GPC5: variants seen among roughly 807,000 people sequenced by gnomAD.
GPC5 encodes the protein glypican-5.
A neutral mutation model predicts 53.9 loss-of-function variants in GPC5; 47 were observed. That is an observed-to-expected ratio of 0.87 (90% CI 0.69 to 1.11). GPC5 has a LOEUF of 1.11. Among genes scored for constraint, GPC5 ranks in the 50% most tolerant of loss-of-function variants. The pLI, the probability that GPC5 is intolerant of heterozygous loss-of-function variation, is 0.00. For synonymous variants in GPC5, 286 were observed against 263.3 expected, an observed-to-expected ratio of 1.09 and a Z score of -0.84; for missense variants, 748 against 713.1, an observed-to-expected ratio of 1.05 and a Z score of -0.56.
intron 5 of GPC5, among the ~76,000 whole-genome samples, chr13:91,856,368 T>C (rs2038967160): frequency 6.6e-6 from 1 of 151,520 alleles, no homozygotes; most frequent in Non-Finnish European, 1.5e-5. Context: ...GATGAAATAT[T>C]TTTATGTTTA....
chr13:91,833,164 G>A (rs886064841), intron 5 of GPC5, among the ~76,000 whole-genome samples: 5 of 152,004 alleles, frequency 3.3e-5, no homozygotes, highest in Admixed American at 1.3e-4. Context: ...TAAATTCCTG[G>A]ACACATACAC....
chr13:92,114,395 C>A (rs2041583747), intron 6 of GPC5, among the ~76,000 whole-genome samples: 1 of 152,116 alleles, frequency 6.6e-6, no homozygotes, highest in African/African-American at 2.4e-5. Context: ...ACTTCCACAC[C>A]AAGAGTGGAA....
chr13:91,953,933 C>T (rs948634960), intron 6 of GPC5, among the ~76,000 whole-genome samples: 7 of 152,156 alleles, frequency 4.6e-5, no homozygotes, highest in Admixed American at 2.0e-4. Flanking sequence ...TGGGAGAACA[C>T]AGACATTTGG....
intron 6 of GPC5, among the ~76,000 whole-genome samples, chr13:92,095,070 TC>T (rs2041411571): frequency 1.3e-5 from 2 of 152,170 alleles, no homozygotes; most frequent in Non-Finnish European, 2.9e-5. Flanking sequence ...ATGAGATTTT[TC>T]TGAGTTGGGA....
chr13:92,474,119 T>C (rs1879009672), intron 7 of GPC5, among the ~76,000 whole-genome samples: 1 of 150,854 alleles, frequency 6.6e-6, no homozygotes, highest in South Asian at 2.1e-4. Flanking sequence ...AGGATATGTG[T>C]TGCTTTCAAA....
At chr13:92,553,268 A>C (rs1218895645) in intron 7 of GPC5, among the ~76,000 whole-genome samples, 1 of 152,104 alleles carries the variant, frequency 6.6e-6, no homozygotes, top group Non-Finnish European at 1.5e-5. Context: ...CTAGCCCATT[A>C]TCAAACCTGC....
At chr13:92,296,985 G>A (rs945103226) in intron 7 of GPC5, among the ~76,000 whole-genome samples, 7 of 152,002 alleles carry the variant, frequency 4.6e-5, no homozygotes, top group Admixed American at 6.5e-5. Context: ...GAGCCTCCCC[G>A]ACGAGCACCA....
At position 92,422,035 on chromosome 13, in the gene GPC5, C is replaced by CT. The variant is rs917775714; in HGVS notation, c.1561+277047dup. On this transcript the variant is annotated intron_variant, in intron 7 of 7. Transcript: ENST00000377067. ...TGGCATCATCACTGGAACTGTAAAA[C>CT]TAAGTGAGGAGATGTTTTTGTCTCT... Among the ~76,000 whole-genome samples the CT allele has an allele frequency of 9.9e-5, 15 of 152,208 alleles. No homozygotes were observed. The Middle Eastern group carries it at 0.01, about 104-fold the overall frequency.
chr13:92,742,947 G>A (rs1334360617), intron 7 of GPC5, among the ~76,000 whole-genome samples: 2 of 152,066 alleles, frequency 1.3e-5, no homozygotes, highest in Non-Finnish European at 2.9e-5. Context: ...CTATATCTCT[G>A]TTTTGGTACC....
intron 7 of GPC5, among the ~76,000 whole-genome samples, chr13:92,798,267 T>C (rs1429439466): frequency 6.6e-6 from 1 of 151,904 alleles, no homozygotes; most frequent in African/African-American, 2.4e-5. Flanking sequence ...TGTTTGTTTA[T>C]GGATATTTGT....
Position 92,415,068 on chromosome 13 carries a change from A to T in GPC5, c.1561+270079A>T, listed in dbSNP as rs142739798. 2.9e-3 allele frequency among the ~76,000 whole-genome samples: 436 copies of T among 152,342 alleles called. 1 individual carries two copies. Among genetic ancestry groups the T allele is most frequent in the Non-Finnish European group, 5.0e-3 (339 of 68,022 alleles). ...GGAGGAGAAGCGTGCACCTGTTCAA[A>T]TAACTGAAGGGAATGAAAGAAGCTG... is the stretch of plus-strand genomic sequence containing the variant. On this transcript the variant is annotated intron_variant, in intron 7 of 7. Transcript: ENST00000377067.
At chr13:92,571,021 C>A (rs533716427) in intron 7 of GPC5, among the ~76,000 whole-genome samples, 94 of 152,226 alleles carry the variant, frequency 6.2e-4, no homozygotes, top group Non-Finnish European at 1.1e-3. Flanking sequence ...CCAAGACTTA[C>A]CACCATCTCT....
chr13:91,790,449 T>C (rs777273468), intron 5 of GPC5, among the ~76,000 whole-genome samples: 102 of 152,336 alleles, frequency 6.7e-4, no homozygotes, highest in Non-Finnish European at 9.7e-4. Flanking sequence ...CATGCAGCCA[T>C]GTTTATGTTT....
chr13:92,683,590 T>C (rs552676432), intron 7 of GPC5, among the ~76,000 whole-genome samples: 1 of 152,218 alleles, frequency 6.6e-6, no homozygotes, highest in Non-Finnish European at 1.5e-5. Context: ...AAATAATTCA[T>C]ATATGAAAAA....
At chr13:92,690,574 A>G (rs1211855399) in intron 7 of GPC5, among the ~76,000 whole-genome samples, 2 of 143,662 alleles carry the variant, frequency 1.4e-5, no homozygotes, top group Admixed American at 7.2e-5. Flanking sequence ...GCTCGTCAAA[A>G]TAATTCTCCA....
At chr13:91,444,824 T>A (rs986624760) in intron 1 of GPC5, among the ~76,000 whole-genome samples, 17 of 152,166 alleles carry the variant, frequency 1.1e-4, no homozygotes, top group African/African-American at 4.1e-4. Context: ...ATTTAATGAT[T>A]GAGGGGGCAA....
chr13:92,537,421 G>A (rs1282652779), intron 7 of GPC5, among the ~76,000 whole-genome samples: 1 of 152,116 alleles, frequency 6.6e-6, no homozygotes, highest in East Asian at 1.9e-4. Context: ...TCTTCAAGGA[G>A]TTTTAATTTT....
chr13:92,120,149 G>A (rs557589951), intron 6 of GPC5, among the ~76,000 whole-genome samples: 3 of 152,256 alleles, frequency 2.0e-5, no homozygotes, highest in South Asian at 2.1e-4. Flanking sequence ...TATTCCATCC[G>A]CTAATTTACA....
At chr13:92,541,094 G>A (rs1160428479) in intron 7 of GPC5, among the ~76,000 whole-genome samples, 2 of 151,806 alleles carry the variant, frequency 1.3e-5, no homozygotes, top group African/African-American at 4.8e-5. Flanking sequence ...TAATGTTTAT[G>A]AAGGTTATGG....
Sources: gnomAD v4.1 joint callset for allele counts (sites outside exome capture counted in the v4.1 genomes callset) on GRCh38, gnomAD v4.1.1 for gene constraint, MANE v1.5 for transcripts, NCBI Gene and HGNC (gene_info 2026-07-23, HGNC 2026-07-21) for gene names.